Variants in ANK2 observed in about 807,000 individuals in gnomAD.
ANK2 encodes ankyrin 2, also known as ankyrin-2.
Under a neutral mutation model 360.5 loss-of-function variants are expected in ANK2, and 83 were observed. The ratio of observed to expected loss-of-function variants is 0.23; its 90% confidence interval spans 0.19 to 0.28. The LOEUF is 0.28. ANK2 is among the 10% of genes least tolerant of loss of function. ANK2 has a pLI of 1.00. For missense variants in ANK2, 4,201 were observed against 4,795.7 expected (o/e 0.88, Z 3.66); for synonymous variants, 1,740 against 1,759.5 (o/e 0.99, Z 0.28).
upstream of ANK2, among the ~76,000 whole-genome samples, chr4:113,048,291 T>A (rs1300393904): frequency 1.3e-4 from 16 of 120,692 alleles, no homozygotes; most frequent in Non-Finnish European, 2.2e-4. Flanking sequence ...TTTTTTTTTT[T>A]TTTTTTTTTT....
At chr4:112,756,148 G>C in the ANK2 span, among the ~76,000 whole-genome samples, 2 of 151,254 alleles carry the variant, frequency 1.3e-5, no homozygotes, top group Non-Finnish European at 2.9e-5. Flanking sequence ...TGAGGCAGGA[G>C]AATGGTGTGA....
intron 38 of ANK2, among the ~76,000 whole-genome samples, chr4:113,359,752 G>A (rs2096077359): frequency 1.3e-5 from 2 of 152,116 alleles, no homozygotes; most frequent in Admixed American, 1.3e-4. Flanking sequence ...TCATTAGGAA[G>A]CCATTTGCTT....
the ANK2 span, among the ~76,000 whole-genome samples, chr4:112,714,621 CA>C: frequency 6.6e-6 from 1 of 152,014 alleles, no homozygotes; most frequent in African/African-American, 2.4e-5. Context: ...TGAAAAAAGA[CA>C]AAGTAATATG....
intron 1 of ANK2, chr4:113,149,330 A>G (rs1171727755): frequency 6.6e-6 from 1 of 152,188 alleles, no homozygotes; most frequent in Admixed American, 6.5e-5. Flanking sequence ...TCTATGAAGC[A>G]TATCAGTATG....
chr4:112,838,525 TG>T (rs1454570796), intron 1 of ANK2, among the ~76,000 whole-genome samples: 17 of 152,324 alleles, frequency 1.1e-4, no homozygotes, highest in Admixed American at 5.2e-4. Context: ...TTCTCTCTCT[TG>T]GACTTCCTAC....
chr4:113,052,774 C>T (rs995612700), intron 1 of ANK2, among the ~76,000 whole-genome samples: 27 of 152,052 alleles, frequency 1.8e-4, no homozygotes, highest in African/African-American at 5.3e-4. Flanking sequence ...TCATGGGGAA[C>T]CGTGGGGGCA....
intron 2 of ANK2, among the ~76,000 whole-genome samples, chr4:113,021,796 C>T (rs2058251619): frequency 6.6e-6 from 1 of 151,706 alleles, no homozygotes; most frequent in Non-Finnish European, 1.5e-5. Flanking sequence ...TTTTGAGGAG[C>T]TTGGAATCTA....
chr4:113,134,592 TG>T (rs2096279565), intron 1 of ANK2, among the ~76,000 whole-genome samples: 1 of 152,154 alleles, frequency 6.6e-6, no homozygotes, highest in Non-Finnish European at 1.5e-5. Flanking sequence ...TTATCAGAGA[TG>T]TTTTTTTAAC....
At chr4:112,992,411 T>C (rs1265133264) in intron 2 of ANK2, among the ~76,000 whole-genome samples, 1 of 152,212 alleles carries the variant, frequency 6.6e-6, no homozygotes, top group Non-Finnish European at 1.5e-5. Context: ...CCCAAAGTGC[T>C]GGGATTACAG....
intron 2 of ANK2, among the ~76,000 whole-genome samples, chr4:113,021,065 C>A (rs531620541): frequency 6.6e-6 from 1 of 152,246 alleles, no homozygotes; most frequent in African/African-American, 2.4e-5. Flanking sequence ...GGAGCATATT[C>A]TTTGGAATGC....
the ANK2 span, among the ~76,000 whole-genome samples, chr4:112,709,156 A>G: frequency 1.3e-5 from 2 of 152,106 alleles, no homozygotes; most frequent in Admixed American, 6.5e-5. Flanking sequence ...TTCTTCTTGT[A>G]AGAAAAGGGG....
chr4:112,848,768 T>C (rs1169100383), intron 1 of ANK2, among the ~76,000 whole-genome samples: 1 of 152,116 alleles, frequency 6.6e-6, no homozygotes, highest in East Asian at 1.9e-4. Flanking sequence ...AAAATAGACA[T>C]GGAATAAATG....
chr4:113,372,982 C>G, intron 43 of ANK2, 108 bp from the exon 44 acceptor site: 2 of 1,003,528 alleles, frequency 2.0e-6, no homozygotes, highest in Non-Finnish European at 3.2e-6. Flanking sequence ...CAATGCTTCT[C>G]AACATCGCCT....
At chr4:112,957,454 T>G (rs1469452832) in intron 2 of ANK2, among the ~76,000 whole-genome samples, 2 of 152,262 alleles carry the variant, frequency 1.3e-5, no homozygotes, top group African/African-American at 4.8e-5. Context: ...TTCTCAATCT[T>G]TTCCCCGCCT....
At chr4:112,940,406 C>G (rs759121910) in intron 2 of ANK2, among the ~76,000 whole-genome samples, 4 of 152,026 alleles carry the variant, frequency 2.6e-5, no homozygotes, top group Non-Finnish European at 5.9e-5. Flanking sequence ...CAAATTCTAC[C>G]TAGGGACACA....
At chr4:112,708,448 A>C in the ANK2 span, among the ~76,000 whole-genome samples, 3 of 152,206 alleles carry the variant, frequency 2.0e-5, no homozygotes, top group Non-Finnish European at 2.9e-5. Flanking sequence ...TATAATGGAA[A>C]TTTAGAAATT....
intron 15 of ANK2, among the ~76,000 whole-genome samples, chr4:113,276,012 G>T (rs1232240943): frequency 6.7e-6 from 1 of 149,466 alleles, no homozygotes; most frequent in African/African-American, 2.5e-5. Flanking sequence ...TGCGATCTTG[G>T]CTCACTGCAA....
At chr4:113,083,739 C>G (rs932552443) in intron 1 of ANK2, among the ~76,000 whole-genome samples, 3 of 152,116 alleles carry the variant, frequency 2.0e-5, no homozygotes, top group Non-Finnish European at 4.4e-5. Context: ...TCTGAATCTC[C>G]TATTAAACTA....
At chr4:112,822,175 A>G (rs1176079148) in intron 1 of ANK2, among the ~76,000 whole-genome samples, 1 of 149,686 alleles carries the variant, frequency 6.7e-6, no homozygotes, top group African/African-American at 2.4e-5. Flanking sequence ...AGCCAAGGCG[A>G]GAGGATCACG....
Sources: gnomAD v4.1 joint callset for allele counts (sites outside exome capture counted in the v4.1 genomes callset) on GRCh38, gnomAD v4.1.1 for gene constraint, MANE v1.5 for transcripts, NCBI Gene and HGNC (gene_info 2026-07-23, HGNC 2026-07-21) for gene names.